The following SLC18B1 variants were observed in gnomAD, a reference collection of about 807,000 sequenced individuals.
SLC18B1 encodes MFS-type transporter SLC18B1.
In SLC18B1, 62 loss-of-function variants were observed where a neutral mutation model predicts 53.9. The observed-to-expected ratio is 1.15, with a 90% confidence interval of 0.94 to 1.42. SLC18B1 has a LOEUF of 1.42. Among genes scored for constraint, SLC18B1 ranks in the 40% most tolerant of loss-of-function variants. The pLI is 0.00. For missense variants in SLC18B1, 598 were observed against 547.3 expected (o/e 1.09, Z -0.93); for synonymous variants, 217 against 200.9 (o/e 1.08, Z -0.68).
intron 2 of SLC18B1, among the ~76,000 whole-genome samples, chr6:132,790,681 G>A (rs1781499563): frequency 6.6e-6 from 1 of 152,092 alleles, no homozygotes. Flanking sequence ...AAAAACACTG[G>A]CCAGTCTTCA....
intron 2 of SLC18B1, among the ~76,000 whole-genome samples, chr6:132,796,448 C>A (rs1781689715): frequency 6.8e-6 from 1 of 146,492 alleles, no homozygotes; most frequent in East Asian, 2.0e-4. Context: ...ATCAATTGAA[C>A]CCGGGAGGCA....
chr6:132,787,463 C>A lies in SLC18B1; in HGVS notation c.472G>T (p.Ala158Ser), dbSNP rs776539534. The A allele has an allele frequency of 3.1e-6, 5 of 1,601,498 alleles. No homozygotes were observed. Among genetic ancestry groups the A allele is most frequent in the East Asian group, 2.2e-5 (1 of 44,584 alleles). Residue 158 changes from alanine (A) to serine (S), a missense_variant, in exon 5 of 14, where the codon GCT (alanine) becomes TCT (serine). Ala to Ser is a moderately conservative substitution (Grantham distance 99). Coordinates refer to ENST00000275227, the MANE Select transcript of SLC18B1 (RefSeq NM_052831.3). ...ACCGTAGCCACGTTATTTGGAAAAG[C>A]CTTTGCCAGGATAGAAGAAGATGCA... ...MTASSSILAKAFPNNVATVLG... is the reference protein window; with the variant it reads ...MTASSSILAKSFPNNVATVLG...
At chr6:132,784,266 G>A (rs1273174606) in intron 5 of SLC18B1, among the ~76,000 whole-genome samples, 177 bp from the exon 6 acceptor site, 2 of 151,760 alleles carry the variant, frequency 1.3e-5, no homozygotes, top group Admixed American at 6.6e-5. Flanking sequence ...ATAAAATATG[G>A]GAGTTTTAAA....
chr6:132,793,362 C>A (rs1217153902), intron 2 of SLC18B1, among the ~76,000 whole-genome samples: 1 of 152,196 alleles, frequency 6.6e-6, no homozygotes, highest in Non-Finnish European at 1.5e-5. Context: ...TCAAAGCCTT[C>A]TCTTCATATT....
At chr6:132,779,011 T>C (rs1347885217) in intron 7 of SLC18B1, among the ~76,000 whole-genome samples, 3 of 152,186 alleles carry the variant, frequency 2.0e-5, no homozygotes, top group African/African-American at 7.2e-5. Context: ...AAGCTAAACC[T>C]ACAATGACAC....
intron 4 of SLC18B1, among the ~76,000 whole-genome samples, chr6:132,788,559 G>A (rs532415785): frequency 5.3e-5 from 8 of 152,134 alleles, no homozygotes; most frequent in South Asian, 2.1e-4. Context: ...GGTGGCTCAC[G>A]CCTGTAATTC....
chr6:132,796,851 A>G (rs968820459), intron 2 of SLC18B1, 131 bp downstream of exon 2: 9 of 891,130 alleles, frequency 1.0e-5, no homozygotes. Flanking sequence ...TATTGGCTGG[A>G]GTTCTATACA....
intron 5 of SLC18B1, 104 bp downstream of exon 5, chr6:132,787,330 A>G (rs975706744): frequency 2.2e-5 from 25 of 1,138,430 alleles, no homozygotes; most frequent in Non-Finnish European, 2.9e-5. Flanking sequence ...TACAGAGAGT[A>G]GAGAAATGCA....
In SLC18B1 at chr6:132,797,065, C is replaced by G; in HGVS notation, c.100G>C (p.Val34Leu). The G allele has an allele frequency of 1.2e-6, 2 of 1,614,132 alleles. No individual in the cohort carries two copies. The highest frequency in any genetic ancestry group is 1.7e-6 in the Non-Finnish European group (2 of 1,180,014). The change falls in exon 2 of 14, where the codon GTT (valine) becomes CTT (leucine). Residue 34 changes from valine (V) to leucine (L), a missense_variant. Val to Leu is a conservative substitution (Grantham distance 32). Transcript: ENST00000275227. ...ETPGWLSREQ[V>L]FVLISAASVN... The stretch of plus-strand genomic sequence containing the variant: ...GAAGCTGCCGATATCAGTACAAAAA[C>G]CTGTTCTCTCGAAAGCCACCCGGGG...
intron 7 of SLC18B1, among the ~76,000 whole-genome samples, chr6:132,779,048 C>T (rs796605783): frequency 1.3e-5 from 2 of 152,172 alleles, no homozygotes; most frequent in South Asian, 4.1e-4. Context: ...AGAAGGAAAC[C>T]AATGTTAAGG....
intron 1 of SLC18B1, among the ~76,000 whole-genome samples, chr6:132,797,623 C>CAA (rs202142578): frequency 0.049 from 7,479 of 151,364 alleles, 227 homozygotes; most frequent in Middle Eastern, 0.066. Context: ...AACAAACAAA[C>CAA]AAAAACAAAA....
At chr6:132,795,014 G>A (rs1781635676) in intron 2 of SLC18B1, among the ~76,000 whole-genome samples, 2 of 151,788 alleles carry the variant, frequency 1.3e-5, no homozygotes, top group South Asian at 4.2e-4. Context: ...CAAAAAAAAA[G>A]CCCCAACTTA....
chr6:132,778,665 G>C (rs916606214), intron 7 of SLC18B1, among the ~76,000 whole-genome samples: 2 of 152,084 alleles, frequency 1.3e-5, no homozygotes, highest in African/African-American at 4.8e-5. Context: ...CTCCAGTATA[G>C]TTAACTACCA....
chr6:132,785,362 TAAAC>T (rs1168531872), intron 5 of SLC18B1, among the ~76,000 whole-genome samples: 1 of 152,178 alleles, frequency 6.6e-6, no homozygotes, highest in African/African-American at 2.4e-5. Context: ...TGTTTAAAGT[TAAAC>T]AAAACAATGC....
At chr6:132,791,328 G>A (rs76508361) in intron 2 of SLC18B1, among the ~76,000 whole-genome samples, 3,925 of 152,210 alleles carry the variant, frequency 0.026, 151 homozygotes, top group African/African-American at 0.09. Flanking sequence ...GCACACATGC[G>A]CACATACTTT....
chr6:132,782,421 T>A (rs899360024), intron 6 of SLC18B1, among the ~76,000 whole-genome samples: 1 of 152,192 alleles, frequency 6.6e-6, no homozygotes, highest in Non-Finnish European at 1.5e-5. Context: ...ACACTTAAAA[T>A]CTACTATTGG....
chr6:132,787,331 G>T, intron 5 of SLC18B1, 103 bp downstream of exon 5: 1 of 1,165,502 alleles, frequency 8.6e-7, no homozygotes, highest in African/African-American at 1.6e-5. Flanking sequence ...ACAGAGAGTA[G>T]AGAAATGCAA....
chr6:132,780,577 T>G (rs1261143584), intron 6 of SLC18B1, among the ~76,000 whole-genome samples: 11 of 146,088 alleles, frequency 7.5e-5, no homozygotes, highest in Admixed American at 2.0e-4. Flanking sequence ...TTTTTTTTTT[T>G]TTTTTTTTTT....
chr6:132,790,325 G>A lies in SLC18B1; in HGVS notation c.184-53C>T. 4.8e-6 allele frequency: 6 copies of A among 1,262,704 alleles called. No homozygotes were observed. In the Admixed American group the frequency reaches 8.1e-5, roughly 17 times the overall value. The allele number at this position is 1,262,704 out of a possible 1,614,324, so 78.2% of individuals were successfully genotyped here. A position where few individuals can be genotyped will look rare whatever the true frequency, so the allele number is the denominator to read the frequency against. ...TTTCAAAGAAAAATTAGATCAATAT[G>A]AAAAAATGGAAATAATAGATCAGGG... On this transcript the variant is annotated intron_variant, in intron 2 of 13. Coordinates refer to ENST00000275227, the MANE Select transcript of SLC18B1 (RefSeq NM_052831.3).
Sources: gnomAD v4.1 joint callset for allele counts (sites outside exome capture counted in the v4.1 genomes callset) on GRCh38, gnomAD v4.1.1 for gene constraint, MANE v1.5 for transcripts, NCBI Gene and HGNC (gene_info 2026-07-23, HGNC 2026-07-21) for gene names.